CPXM2: variants seen among roughly 807,000 people sequenced by gnomAD.
CPXM2 encodes the protein carboxypeptidase X, M14 family member 2.
In CPXM2, 66 loss-of-function variants were observed where a neutral mutation model predicts 86.1. The ratio of observed to expected loss-of-function variants is 0.77; its 90% CI spans 0.63 to 0.94. The LOEUF is 0.94. CPXM2 is among the 40% of genes least tolerant of loss of function. CPXM2 has a pLI of 0.00. For missense variants in CPXM2, 948 were observed against 1,026.3 expected (o/e 0.92, Z 1.04); for synonymous variants, 388 against 400.2 (o/e 0.97, Z 0.36).
intron 2 of CPXM2, among the ~76,000 whole-genome samples, chr10:123,930,749 C>T (rs1945660959): frequency 6.6e-6 from 1 of 152,212 alleles, no homozygotes; most frequent in African/African-American, 2.4e-5. Context: ...TGAGTCGATC[C>T]AATGAATTGC....
At position 123,754,637 on chromosome 10, in the gene CPXM2, G is replaced by A; in HGVS notation, c.2017+26C>T. The A allele has an allele frequency of 8.2e-7, 1 of 1,214,442 alleles. No homozygotes were observed. The allele number at this position is 1,214,442 out of a possible 1,614,324, so 75.2% of individuals were successfully genotyped here. ...AAAAAATGGGTATTTCTTACCAAGA[G>A]ACAGTCTGCACACATTTGCAGTTAC... On this transcript the variant is annotated intron_variant, in intron 13 of 13. Transcript: ENST00000241305. The surrounding 1 kb of genome is among the most constrained non-coding windows in gnomAD (Gnocchi z 4.0).
chr10:123,921,938 T>TC (rs150322778), intron 2 of CPXM2, among the ~76,000 whole-genome samples: 3,043 of 152,298 alleles, frequency 0.02, 81 homozygotes, highest in East Asian at 0.093. Flanking sequence ...CCTGATGCCT[T>TC]TCTTTTGCTT....
At chr10:123,766,871 AAC>A (rs1846488338) in intron 10 of CPXM2, 100 bp downstream of exon 10, 3 of 943,406 alleles carry the variant, frequency 3.2e-6, no homozygotes, top group Middle Eastern at 2.2e-4. Context: ...GAAAGAAAAA[AAC>A]AGTTTTGTCT....
rs1161541708 is a variant in CPXM2 at position 123,768,705 on chromosome 10, A to G, written c.1120T>C (p.Tyr374His). Residue 374 changes from tyrosine to histidine, a missense_variant, in exon 9 of 14, where the codon TAC becomes CAC. Tyr to His is a moderately conservative substitution (Grantham distance 83). Coordinates refer to ENST00000241305, the MANE Select transcript of CPXM2 (RefSeq NM_198148.3). ...EHEVGEPEFH[Y>H]IAGAHGNEVL... ...TCATTGCCGTGGGCCCCCGCGATGT[A>G]GTGGAACTCGGGCTCACCTTTACTC... The G allele has an allele frequency of 1.2e-6, 2 of 1,609,896 alleles. No individual in the cohort carries two copies. The highest frequency in any genetic ancestry group is 3.3e-5 in the Admixed American group (2 of 60,028).
At chr10:123,798,818 AGCATGCCCCAT>A (rs372333424) in intron 5 of CPXM2, among the ~76,000 whole-genome samples, 183 of 152,340 alleles carry the variant, frequency 1.2e-3, no homozygotes, top group African/African-American at 4.3e-3. Context: ...AAGGGGCCCT[AGCATGCCCCAT>A]GCATGCAACT....
intron 2 of CPXM2, among the ~76,000 whole-genome samples, chr10:123,921,806 A>C (rs1193223500): frequency 6.6e-6 from 1 of 152,218 alleles, no homozygotes; most frequent in Non-Finnish European, 1.5e-5. Context: ...CTAGAGTTTT[A>C]GAATAAAGGT....
At chr10:123,937,405 C>G (rs1945730603) in intron 2 of CPXM2, among the ~76,000 whole-genome samples, 1 of 151,790 alleles carries the variant, frequency 6.6e-6, no homozygotes, top group Non-Finnish European at 1.5e-5. Flanking sequence ...CCCCCCACCC[C>G]AAATGTCCAT....
rs550388069 is a variant in CPXM2 at position 123,847,516 on chromosome 10, ACT to A, written c.514-5030_514-5029del. 3.8e-3 allele frequency among the ~76,000 whole-genome samples: 569 copies of A among 151,442 alleles called. 11 individuals carry two copies. Among genetic ancestry groups the A allele is most frequent in the East Asian group, 1.5e-3 (8 of 5,172 alleles). On this transcript the variant is annotated intron_variant, in intron 3 of 13. Coordinates refer to ENST00000241305, the MANE Select transcript of CPXM2 (RefSeq NM_198148.3). The stretch of plus-strand genomic sequence containing the variant: ...ACTCTAGCCTGGGCAACAGGGCGAG[ACT>A]CTGTCTCAAAAAAAAAAGAAAAAGA...
intron 5 of CPXM2, among the ~76,000 whole-genome samples, chr10:123,798,867 A>G (rs61863795): frequency 0.11 from 17,224 of 152,240 alleles, 1,296 homozygotes; most frequent in African/African-American, 0.23. Context: ...AATTACATAA[A>G]AGGCTGCATT....
chr10:123,761,685 C>G (rs2133987228), intron 11 of CPXM2, among the ~76,000 whole-genome samples, 187 bp downstream of exon 11: 1 of 152,296 alleles, frequency 6.6e-6, no homozygotes, highest in South Asian at 2.1e-4. Context: ...GAAAGTGAGA[C>G]TGGGGCAAGG....
chr10:123,889,983 G>T lies in CPXM2; in HGVS notation c.304+1373C>A, dbSNP rs141043810. 2.6e-5 allele frequency among the ~76,000 whole-genome samples: 4 copies of T among 152,140 alleles called. No homozygotes were observed. In the South Asian group the frequency reaches 8.3e-4, roughly 32 times the overall value. On this transcript the variant is annotated intron_variant, in intron 1 of 13. Coordinates refer to ENST00000241305, the MANE Select transcript of CPXM2 (RefSeq NM_198148.3). ...AACTACCAAACCAAAAAGGCCTTGA[G>T]TTAAAAAGGACAGAAGAAAGGCTTT...
Position 123,885,296 on chromosome 10 carries a change from A to G in CPXM2, c.305-4987T>C, listed in dbSNP as rs981580083. Among the ~76,000 whole-genome samples the G allele has an allele frequency of 6.6e-6, 1 of 152,094 alleles. No individual in the cohort carries two copies. Among genetic ancestry groups the G allele is most frequent in the Non-Finnish European group, 1.5e-5 (1 of 68,008 alleles). On this transcript the variant is annotated intron_variant, in intron 1 of 13. Coordinates refer to ENST00000241305, the MANE Select transcript of CPXM2 (RefSeq NM_198148.3). The surrounding 1 kb of genome is among the most constrained non-coding windows in gnomAD (Gnocchi z 4.0). ...GAAGGCTGGGAGGCTGGGAGGCTGGAAGGCTGGGCATTGACCCCTCCAATC... is the reference window on the plus strand; with the variant it reads ...GAAGGCTGGGAGGCTGGGAGGCTGGGAGGCTGGGCATTGACCCCTCCAATC...
intron 8 of CPXM2, 130 bp downstream of exon 8, chr10:123,770,786 G>T: frequency 3.2e-6 from 3 of 948,090 alleles, no homozygotes; most frequent in Non-Finnish European, 4.7e-6. Flanking sequence ...ATCTGTCTAC[G>T]TGAGACAGCA....
chr10:123,895,944 TA>T (rs1945334643), upstream of CPXM2, among the ~76,000 whole-genome samples: 1 of 152,246 alleles, frequency 6.6e-6, no homozygotes, highest in African/African-American at 2.4e-5. Context: ...ATTCATCCCT[TA>T]GACAGGATTC....
intron 2 of CPXM2, among the ~76,000 whole-genome samples, chr10:123,916,421 T>C (rs1945533936): frequency 6.6e-6 from 1 of 152,146 alleles, no homozygotes; most frequent in Non-Finnish European, 1.5e-5. Flanking sequence ...AGCCATCAAG[T>C]CACTTAGCTA....
chr10:123,803,405 C>T (rs1847505885), intron 4 of CPXM2, among the ~76,000 whole-genome samples: 1 of 151,960 alleles, frequency 6.6e-6, no homozygotes, highest in African/African-American at 2.4e-5. Context: ...TGCCACCATG[C>T]CCAGCCTGTG....
At chr10:123,938,038 A>G (rs1336919554) in intron 2 of CPXM2, among the ~76,000 whole-genome samples, 1 of 152,108 alleles carries the variant, frequency 6.6e-6, no homozygotes, top group Non-Finnish European at 1.5e-5. Context: ...CACCAAGAAA[A>G]TGAGTTTCTA....
intron 4 of CPXM2, among the ~76,000 whole-genome samples, chr10:123,816,191 G>C (rs1282379701): frequency 6.6e-6 from 1 of 152,108 alleles, no homozygotes; most frequent in Non-Finnish European, 1.5e-5. Context: ...CTAATGCCAT[G>C]CAAAATAGAT....
At chr10:123,871,953 A>T (rs1944902456) in intron 2 of CPXM2, among the ~76,000 whole-genome samples, 2 of 152,234 alleles carry the variant, frequency 1.3e-5, no homozygotes, top group African/African-American at 4.8e-5. Context: ...AATGGTAAGT[A>T]AGCATTAGTC....
Sources: gnomAD v4.1 joint callset for allele counts (sites outside exome capture counted in the v4.1 genomes callset) on GRCh38, gnomAD v4.1.1 for gene constraint, Gnocchi (gnomAD v3.1) non-coding constraint, MANE v1.5 for transcripts, NCBI Gene and HGNC (gene_info 2026-07-23, HGNC 2026-07-21) for gene names.